The following SQSTM1 variants were observed in gnomAD, a reference collection of about 807,000 sequenced individuals.
The protein encoded by SQSTM1 is sequestosome-1.
In SQSTM1, 36 loss-of-function variants were observed where a neutral mutation model predicts 45.1. The ratio of observed to expected loss-of-function variants is 0.80; its 90% confidence interval spans 0.61 to 1.05. SQSTM1 has a LOEUF of 1.05. SQSTM1 is among the 50% of genes least tolerant of loss of function. SQSTM1 has a pLI of 0.00. For synonymous variants in SQSTM1, 290 were observed against 244.3 expected, an observed-to-expected ratio of 1.19 and a Z score of -1.74; for missense variants, 617 against 607.1, an observed-to-expected ratio of 1.02 and a Z score of -0.17.
At chr5:179,818,665 G>A (rs1013107450), upstream of SQSTM1, among the ~76,000 whole-genome samples, 1 of 152,096 alleles carries the variant, frequency 6.6e-6, no homozygotes, top group African/African-American at 2.4e-5. Flanking sequence ...TGCAGTCTCT[G>A]TCCTGCCCTG....
At position 179,838,050 on chromosome 5, in the gene SQSTM1, CAAAT is replaced by C; in HGVS notation, c.*1462_*1465del. On this transcript the variant is annotated 3_prime_UTR_variant, in exon 8 of 8. Coordinates refer to ENST00000389805, the MANE Select transcript of SQSTM1 (RefSeq NM_003900.5). ...GATTTTGAGGGTTAGCAAGACAAAGCAAATAAATGCCTTCCACCTCACCGCAAAC... is the reference window on the plus strand; with the variant it reads ...GATTTTGAGGGTTAGCAAGACAAAGCAAATGCCTTCCACCTCACCGCAAAC... 1 of 638,686 alleles carries C rather than the reference CAAAT, an allele frequency of 1.6e-6. No individual in the cohort carries two copies. The highest frequency in any genetic ancestry group is 2.7e-6 in the Non-Finnish European group (1 of 372,796). The allele number at this position is 638,686 out of a possible 1,614,324, so 39.6% of individuals were successfully genotyped here.
intron 5 of SQSTM1, among the ~76,000 whole-genome samples, chr5:179,827,394 C>G (rs895437667): frequency 1.3e-5 from 2 of 152,230 alleles, no homozygotes; most frequent in Non-Finnish European, 2.9e-5. Context: ...ACGCCATTCT[C>G]CTGTCTCAGC....
upstream of SQSTM1, among the ~76,000 whole-genome samples, chr5:179,814,899 G>T (rs1401815075): frequency 6.6e-6 from 1 of 152,092 alleles, no homozygotes; most frequent in Non-Finnish European, 1.5e-5. Flanking sequence ...TCCAGACTGG[G>T]GACCAAAGTG....
chr5:179,831,784 A>G (rs1355206881), intron 5 of SQSTM1, among the ~76,000 whole-genome samples: 2 of 127,144 alleles, frequency 1.6e-5, no homozygotes, highest in East Asian at 5.6e-4. Flanking sequence ...TGAAACATTG[A>G]ATGTTCTTTT....
chr5:179,822,323 A>G (rs515110), intron 1 of SQSTM1, among the ~76,000 whole-genome samples: 2 of 152,132 alleles, frequency 1.3e-5, no homozygotes, highest in East Asian at 3.9e-4. Flanking sequence ...TTACCTGTTC[A>G]TTAGTTGACA....
Position 179,837,435 on chromosome 5 carries a change from A to G in SQSTM1, c.*842A>G. 1 of 1,608,410 alleles carries G rather than the reference A, an allele frequency of 6.2e-7. No homozygotes were observed. The highest frequency in any genetic ancestry group is 8.5e-7 in the Non-Finnish European group (1 of 1,176,758). ...TCTTCCCCAGTTATAAAGAGGTCAC[A>G]TAGTCGTGTGGGTCGAGGATTCTGT... On this transcript the variant is annotated 3_prime_UTR_variant, in exon 8 of 8. Transcript: ENST00000389805.
intron 6 of SQSTM1, 38 bp from the exon 7 acceptor site, chr5:179,833,549 G>T: frequency 6.2e-7 from 1 of 1,610,068 alleles, no homozygotes; most frequent in East Asian, 2.2e-5. Flanking sequence ...GGCCTGTTGC[G>T]CGTGTCTCCT....
rs1267562736 is a variant in SQSTM1 at position 179,806,707 on chromosome 5, G to GGGGCGGGGGGCCCGGGGCC, written c.-157+125_-157+143dup. The GGGGCGGGGGGCCCGGGGCC allele has an allele frequency of 5.0e-6, 1 of 200,876 alleles. No homozygotes were observed. The highest frequency in any genetic ancestry group is 1.9e-4 in the East Asian group (1 of 5,168). The allele number at this position is 200,876 out of a possible 1,614,324, so 12.4% of individuals were successfully genotyped here. On this transcript the variant is annotated intron_variant, in intron 1 of 5. Transcript: ENST00000514093. The surrounding 1 kb of genome is among the most constrained non-coding windows in gnomAD (Gnocchi z 4.6). ...AGGGGCCCCGGCCCCGGGTCGGGGA[G>GGGGCGGGGGGCCCGGGGCC]GGGCGGGGGGCCCGGGGCCGGGCGG...
Position 179,824,342 on chromosome 5 carries a change from C to T in SQSTM1, c.673+19C>T. The T allele has an allele frequency of 6.2e-7, 1 of 1,613,316 alleles. No individual in the cohort carries two copies. The highest frequency in any genetic ancestry group is 8.5e-7 in the Non-Finnish European group (1 of 1,180,028). On this transcript the variant is annotated intron_variant, in intron 4 of 7. Coordinates refer to ENST00000389805, the MANE Select transcript of SQSTM1 (RefSeq NM_003900.5). ...GAATCAGGTGAGGCTTGTGTTGGAA[C>T]CTGCTTCTGATTGGTGACAGTAGTC...
At chr5:179,822,910 C>T (rs1374455330) in intron 1 of SQSTM1, 48 bp from the exon 2 acceptor site, 10 of 1,542,570 alleles carry the variant, frequency 6.5e-6, no homozygotes, top group Non-Finnish European at 9.0e-6. Context: ...AGCTTATGTC[C>T]AGCTGAGAAC....
In SQSTM1 at chr5:179,824,055, G is replaced by T; in HGVS notation, c.499G>T (p.Ala167Ser). 6.2e-7 allele frequency: 1 copy of T among 1,613,924 alleles called. No homozygotes were observed. The highest frequency in any genetic ancestry group is 8.5e-7 in the Non-Finnish European group (1 of 1,180,044). ...KGLHRGHTKL[A>S]FPSPFGHLSE... Reference sequence around the variant, plus strand: ...CTTGCACCGGGGGCACACCAAGCTCGCATTCCCCAGCCCCTTCGGGCACCT... The same window carrying T: ...CTTGCACCGGGGGCACACCAAGCTCTCATTCCCCAGCCCCTTCGGGCACCT... Residue 167 changes from alanine to serine, a missense_variant, in exon 3 of 8, where the codon GCA (alanine) becomes TCA (serine). Transcript: ENST00000389805.
At chr5:179,825,334 G>A (rs1757948297) in intron 5 of SQSTM1, 108 bp downstream of exon 5, 2 of 1,001,200 alleles carry the variant, frequency 2.0e-6, no homozygotes, top group Non-Finnish European at 3.1e-6. Flanking sequence ...CTTGACACTG[G>A]TGAGGATTTG....
At chr5:179,816,485 C>T (rs1757583383), upstream of SQSTM1, among the ~76,000 whole-genome samples, 1 of 152,170 alleles carries the variant, frequency 6.6e-6, no homozygotes, top group South Asian at 2.1e-4. Flanking sequence ...TGGAGGGGAG[C>T]GAGAGGGCCA....
upstream of SQSTM1, among the ~76,000 whole-genome samples, chr5:179,815,726 A>G (rs1293027181): frequency 6.6e-6 from 1 of 152,076 alleles, no homozygotes; most frequent in Non-Finnish European, 1.5e-5. Flanking sequence ...CATGGGGTTT[A>G]CCTCACCCTA....
At chr5:179,828,290 C>T (rs1399909074) in intron 5 of SQSTM1, among the ~76,000 whole-genome samples, 9 of 151,424 alleles carry the variant, frequency 5.9e-5, no homozygotes, top group Admixed American at 5.9e-4. Flanking sequence ...TACCCATTTA[C>T]AAAGCATATG....
At chr5:179,834,437 A>C (rs1164890772) in intron 7 of SQSTM1, among the ~76,000 whole-genome samples, 2 of 145,108 alleles carry the variant, frequency 1.4e-5, no homozygotes, top group African/African-American at 5.2e-5. Context: ...ATTTTTATTG[A>C]TCATTCTTGG....
At chr5:179,825,271 C>G (rs373096067) in intron 5 of SQSTM1, 45 bp downstream of exon 5, 1 of 1,470,614 alleles carries the variant, frequency 6.8e-7, no homozygotes, top group Non-Finnish European at 9.5e-7. Flanking sequence ...TCAGCCTGCA[C>G]TTTATGTAAC....
In SQSTM1 at chr5:179,833,653, G is replaced by C; in HGVS notation, c.1036G>C (p.Val346Leu). ...CTGGACCCATCTGTCTTCAAAAGAA[G>C]TGGACCCGTCTACAGGTGAACTCCA... Reference protein sequence around the residue: ...DDWTHLSSKEVDPSTGELQSL... With the variant: ...DDWTHLSSKELDPSTGELQSL... The change falls in exon 7 of 8, where the codon GTG becomes CTG. Residue 346 changes from valine to leucine, a missense_variant. By Grantham distance (32) the Val-to-Leu change is conservative. Coordinates refer to ENST00000389805, the MANE Select transcript of SQSTM1 (RefSeq NM_003900.5). The C allele has an allele frequency of 6.2e-7, 1 of 1,614,154 alleles. No homozygotes were observed. Among genetic ancestry groups the C allele is most frequent in the Non-Finnish European group, 8.5e-7 (1 of 1,180,028 alleles).
intron 7 of SQSTM1, 189 bp from the exon 8 acceptor site, chr5:179,836,247 A>C: frequency 1.4e-6 from 1 of 716,364 alleles, no homozygotes; most frequent in Non-Finnish European, 2.4e-6. Context: ...AGAGTTGAGC[A>C]GTGTGAAAAA....
Sources: allele counts gnomAD v4.1 joint callset (sites outside exome capture counted in the v4.1 genomes callset), GRCh38; gene constraint gnomAD v4.1.1; non-coding constraint Gnocchi (gnomAD v3.1); transcripts MANE v1.5; gene names NCBI Gene and HGNC (gene_info 2026-07-23, HGNC 2026-07-21).